SLC22A4: variants seen among roughly 807,000 people sequenced by gnomAD.
SLC22A4 encodes the protein ET transporter.
SLC22A4 carries 39 observed loss-of-function variants against 56.6 expected under a neutral mutation model. The ratio of observed to expected loss-of-function variants is 0.69; its 90% CI spans 0.53 to 0.90. The LOEUF is 0.90. SLC22A4 is among the 40% of genes least tolerant of loss of function. The probability of loss-of-function intolerance (pLI) is 0.00; values close to 1 mark genes in which losing one functional copy is unlikely to be tolerated. For missense variants in SLC22A4, 594 were observed against 696.5 expected (o/e 0.85, Z 1.66); for synonymous variants, 241 against 281.4 (o/e 0.86, Z 1.44).
At chr5:132,310,758 A>G (rs1457229305) in intron 1 of SLC22A4, among the ~76,000 whole-genome samples, 1 of 152,212 alleles carries the variant, frequency 6.6e-6, no homozygotes, top group African/African-American at 2.4e-5. Flanking sequence ...TTTGTGGAAG[A>G]AGTACATAGG....
At chr5:132,301,818 T>C (rs889681625) in intron 1 of SLC22A4, among the ~76,000 whole-genome samples, 1 of 151,342 alleles carries the variant, frequency 6.6e-6, no homozygotes, top group African/African-American at 2.5e-5. Context: ...ATAGGCAGGT[T>C]TGTGGAGTTT....
chr5:132,324,390 G>C lies in SLC22A4; in HGVS notation c.824+2035G>C, dbSNP rs543739293. On this transcript the variant is annotated intron_variant, in intron 4 of 9. Transcript: ENST00000200652. The stretch of plus-strand genomic sequence containing the variant: ...CCAGAGTCAGCCTCCAGAGTTTCCA[G>C]CAGAGAAGGTCCATCCCACAGGGAG... 1.5e-3 allele frequency: 616 copies of C among 400,426 alleles called. 4 individuals carry two copies. The highest frequency in any genetic ancestry group is 0.012 in the African/African-American group (557 of 47,886). 24.8% of individuals were successfully genotyped at this position (400,426 alleles called of 1,614,324 possible).
intron 8 of SLC22A4, among the ~76,000 whole-genome samples, chr5:132,338,916 C>T (rs951983297): frequency 7.9e-5 from 12 of 152,192 alleles, no homozygotes; most frequent in African/African-American, 2.2e-4. Context: ...ATGAAGATGA[C>T]GGGATTAAGA....
intron 3 of SLC22A4, among the ~76,000 whole-genome samples, chr5:132,315,522 G>A (rs1750321840): frequency 2.6e-5 from 4 of 152,146 alleles, no homozygotes. Context: ...GCATACCCCA[G>A]GCTTCCTACA....
chr5:132,311,756 T>G, intron 1 of SLC22A4: 1 of 277,724 alleles, frequency 3.6e-6, no homozygotes, highest in East Asian at 8.6e-5. Context: ...GCCCTGCCCT[T>G]TGGGCTTTTC....
At chr5:132,323,761 G>C (rs1295342412) in intron 4 of SLC22A4, among the ~76,000 whole-genome samples, 1 of 152,230 alleles carries the variant, frequency 6.6e-6, no homozygotes, top group Non-Finnish European at 1.5e-5. Context: ...TGGAAAAGAT[G>C]TTAGTGACTA....
chr5:132,314,505 C>G (rs763716358), intron 3 of SLC22A4, among the ~76,000 whole-genome samples: 5 of 152,138 alleles, frequency 3.3e-5, no homozygotes, highest in African/African-American at 7.2e-5. Flanking sequence ...ATGAGAGAAG[C>G]AGAGGTGAGG....
At chr5:132,340,118 T>C (rs1751166613) in intron 8 of SLC22A4, among the ~76,000 whole-genome samples, 1 of 147,456 alleles carries the variant, frequency 6.8e-6, no homozygotes, top group Non-Finnish European at 1.5e-5. Flanking sequence ...GACCTAACTT[T>C]CCACTGCAGC....
intron 4 of SLC22A4, among the ~76,000 whole-genome samples, chr5:132,325,961 C>A (rs931189547): frequency 1.3e-5 from 2 of 152,212 alleles, no homozygotes; most frequent in African/African-American, 4.8e-5. Context: ...CCAAAAATTA[C>A]TACCCTTTCC....
At chr5:132,307,349 G>T (rs1005535870) in intron 1 of SLC22A4, among the ~76,000 whole-genome samples, 7 of 152,110 alleles carry the variant, frequency 4.6e-5, no homozygotes, top group Non-Finnish European at 5.9e-5. Context: ...TTCTTAAAAG[G>T]ACCATTGCTA....
intron 8 of SLC22A4, among the ~76,000 whole-genome samples, chr5:132,337,247 T>A (rs1343284632): frequency 6.6e-6 from 1 of 150,596 alleles, no homozygotes; most frequent in Non-Finnish European, 1.5e-5. Context: ...TTTTCAATAA[T>A]CTCACCAACA....
At chr5:132,328,930 T>TATAC (rs1475251337) in intron 5 of SLC22A4, among the ~76,000 whole-genome samples, 3 of 21,950 alleles carry the variant, frequency 1.4e-4, no homozygotes, top group South Asian at 5.9e-4. Context: ...TATATATATA[T>TATAC]ACACACACAC....
At chr5:132,297,856 G>A (rs1052480449) in intron 1 of SLC22A4, among the ~76,000 whole-genome samples, 3 of 152,146 alleles carry the variant, frequency 2.0e-5, no homozygotes, top group Non-Finnish European at 4.4e-5. Flanking sequence ...GCTGGGGCAG[G>A]AGGATCACTT....
chr5:132,321,974 C>G (rs1424039247), intron 3 of SLC22A4, among the ~76,000 whole-genome samples: 2 of 151,988 alleles, frequency 1.3e-5, no homozygotes, highest in Non-Finnish European at 1.5e-5. Flanking sequence ...CCATTAAAAT[C>G]TCATAGAAAT....
intron 4 of SLC22A4, 76 bp from the exon 5 acceptor site, chr5:132,327,201 T>A: frequency 8.5e-7 from 1 of 1,172,138 alleles, no homozygotes; most frequent in East Asian, 2.6e-5. Flanking sequence ...TTAAAACTAT[T>A]TGGGGGAAAC....
At chr5:132,340,063 G>GTTTTTTT (rs4646203) in intron 8 of SLC22A4, among the ~76,000 whole-genome samples, 4 of 94,868 alleles carry the variant, frequency 4.2e-5, no homozygotes, top group African/African-American at 1.2e-4. Flanking sequence ...ATACTTAGTT[G>GTTTTTTT]TTTTTTTTTT....
chr5:132,342,663 T>C (rs1327708692), intron 9 of SLC22A4, among the ~76,000 whole-genome samples: 1 of 152,210 alleles, frequency 6.6e-6, no homozygotes, highest in Non-Finnish European at 1.5e-5. Flanking sequence ...AATCCCCTCC[T>C]TGGGTTTGAT....
At position 132,334,833 on chromosome 5, in the gene SLC22A4, GC is replaced by G. The variant is rs1488717164; in HGVS notation, c.1164del (p.Trp389GlyfsTer13). 6.2e-7 allele frequency: 1 copy of G among 1,613,894 alleles called. No homozygotes were observed. The highest frequency in any genetic ancestry group is 1.3e-5 in the African/African-American group (1 of 75,022). On this transcript the variant is annotated frameshift_variant, in exon 7 of 10. Coordinates refer to ENST00000200652, the MANE Select transcript of SLC22A4 (RefSeq NM_003059.3). LOFTEE classifies it high-confidence loss of function. ...ALIEIPAYITAWLLLRTLPRR... is the reference protein window; with the variant it reads ...ALIEIPAYITXWLLLRTLPRR... ...GATTGAAATTCCAGCTTACATTACA[GC>G]CTGGCTGCTATTGCGAACCCTGCCC...
chr5:132,317,104 A>G (rs1750383256), intron 3 of SLC22A4, among the ~76,000 whole-genome samples: 2 of 152,096 alleles, frequency 1.3e-5, no homozygotes, highest in Non-Finnish European at 1.5e-5. Context: ...TAGAGAGCTC[A>G]CTCTCTGGTG....
Sources: allele counts gnomAD v4.1 joint callset (sites outside exome capture counted in the v4.1 genomes callset), GRCh38; gene constraint gnomAD v4.1.1; transcripts MANE v1.5; gene names NCBI Gene and HGNC (gene_info 2026-07-23, HGNC 2026-07-21).